ITGB8: variants seen among roughly 807,000 people sequenced by gnomAD.
ITGB8 encodes the protein integrin beta-8.
A neutral mutation model predicts 89.5 loss-of-function variants in ITGB8; 30 were observed. That is an observed-to-expected ratio of 0.34 (90% CI 0.25 to 0.45). The LOEUF (loss-of-function observed/expected upper bound fraction) is 0.45. ITGB8 is among the 20% of genes least tolerant of loss of function. The pLI is 1.00. For missense variants in ITGB8, 836 were observed against 933.3 expected (o/e 0.90, Z 1.36); for synonymous variants, 335 against 320.4 (o/e 1.05, Z -0.49).
At chr7:20,368,341 GAGAC>G (rs1785787813) in intron 3 of ITGB8, among the ~76,000 whole-genome samples, 1 of 152,170 alleles carries the variant, frequency 6.6e-6, no homozygotes, top group Non-Finnish European at 1.5e-5. Context: ...TAGAAAAAGA[GAGAC>G]AGGGTGAAAC....
intron 3 of ITGB8, among the ~76,000 whole-genome samples, chr7:20,376,543 C>T (rs2127956727): frequency 6.6e-6 from 1 of 152,230 alleles, no homozygotes; most frequent in South Asian, 2.1e-4. Context: ...GACACCTGCC[C>T]CCAAGAGTCT....
chr7:20,337,935 C>G (rs1199310482), intron 1 of ITGB8, among the ~76,000 whole-genome samples: 1 of 152,198 alleles, frequency 6.6e-6, no homozygotes, highest in Admixed American at 6.5e-5. Context: ...GTGCCAAATC[C>G]TAGGTGAAGA....
intron 3 of ITGB8, among the ~76,000 whole-genome samples, chr7:20,370,636 A>C (rs1277127694): frequency 6.7e-6 from 1 of 149,276 alleles, no homozygotes; most frequent in Admixed American, 6.7e-5. Flanking sequence ...TTTGAGACGG[A>C]GTCTCCCTCT....
intron 6 of ITGB8, among the ~76,000 whole-genome samples, chr7:20,382,498 T>G (rs901930160): frequency 3.3e-5 from 5 of 152,360 alleles, no homozygotes; most frequent in African/African-American, 1.2e-4. Context: ...TGGCATTATC[T>G]AATTCTAGTT....
At chr7:20,389,901 T>C (rs1474885841) in intron 6 of ITGB8, among the ~76,000 whole-genome samples, 1 of 152,032 alleles carries the variant, frequency 6.6e-6, no homozygotes, top group East Asian at 1.9e-4. Flanking sequence ...AAACTTTTCC[T>C]ATGCAGACCT....
At chr7:20,354,461 TATCTGCAAGTAAGAGGGTCTTTGAAAAC>T (rs1361458398) in intron 1 of ITGB8, among the ~76,000 whole-genome samples, 1 of 152,238 alleles carries the variant, frequency 6.6e-6, no homozygotes, top group Non-Finnish European at 1.5e-5. Flanking sequence ...GAATTGTGTT[TATCTGCAAGTAAGAGGGTCTTTGAAAAC>T]AGGACGAAGT....
chr7:20,343,078 A>C (rs1784815899), intron 1 of ITGB8, among the ~76,000 whole-genome samples: 1 of 152,222 alleles, frequency 6.6e-6, no homozygotes, highest in Non-Finnish European at 1.5e-5. Context: ...AAAGGGGTTA[A>C]ATGTTAGAAG....
intron 12 of ITGB8, 22 bp from the exon 13 acceptor site, chr7:20,409,593 T>G (rs778823263): frequency 8.4e-6 from 13 of 1,548,468 alleles, no homozygotes; most frequent in Non-Finnish European, 1.1e-5. Context: ...TTTAATCCAT[T>G]TATTTGTTTG....
chr7:20,374,809 T>C (rs1786070541), intron 3 of ITGB8, among the ~76,000 whole-genome samples: 1 of 152,184 alleles, frequency 6.6e-6, no homozygotes, highest in African/African-American at 2.4e-5. Flanking sequence ...GGAACTTCGA[T>C]CTGACATGTT....
At chr7:20,361,407 C>T (rs1785499454) in intron 1 of ITGB8, among the ~76,000 whole-genome samples, 2 of 152,198 alleles carry the variant, frequency 1.3e-5, no homozygotes, top group African/African-American at 4.8e-5. Flanking sequence ...TTCCTTCTTA[C>T]AGCTCTGGAG....
chr7:20,403,889 T>C (rs6954502), intron 10 of ITGB8, among the ~76,000 whole-genome samples: 4 of 152,030 alleles, frequency 2.6e-5, no homozygotes, highest in Non-Finnish European at 2.9e-5. Context: ...CTAGTGCACA[T>C]TGGCATATTA....
chr7:20,335,141 T>C (rs1403966163), intron 1 of ITGB8, among the ~76,000 whole-genome samples: 1 of 152,210 alleles, frequency 6.6e-6, no homozygotes, highest in Non-Finnish European at 1.5e-5. Context: ...CATTTTATTT[T>C]AAAATATTTC....
chr7:20,341,256 G>A (rs1784745420), intron 1 of ITGB8, among the ~76,000 whole-genome samples: 1 of 152,154 alleles, frequency 6.6e-6, no homozygotes, highest in Non-Finnish European at 1.5e-5. Context: ...AAAATAAAAT[G>A]CTCTAGAAAT....
In ITGB8 at chr7:20,401,813, C is replaced by G; in HGVS notation, c.1374C>G (p.Thr458=). 6.2e-7 allele frequency: 1 copy of G among 1,612,452 alleles called. No individual in the cohort carries two copies. The highest frequency in any genetic ancestry group is 8.5e-7 in the Non-Finnish European group (1 of 1,179,538). ...TCAAACCTATTGGTTTTAATGAAAC[C>G]GCTAAAATTCATATACACAGAAACT... ...AIIKPIGFNE[T]AKIHIHRNCS... The change falls in exon 10 of 14, where the codon ACC becomes ACG. Residue 458 remains threonine (T), a synonymous_variant. Coordinates refer to ENST00000222573, the MANE Select transcript of ITGB8 (RefSeq NM_002214.3).
chr7:20,397,779 C>T (rs118038783), intron 8 of ITGB8, among the ~76,000 whole-genome samples: 57 of 152,224 alleles, frequency 3.7e-4, no homozygotes, highest in South Asian at 1.0e-3. Context: ...TCTAAAGATA[C>T]GCTACCAGAA....
At chr7:20,378,252 C>T (rs201686379) in intron 3 of ITGB8, among the ~76,000 whole-genome samples, 1 of 152,262 alleles carries the variant, frequency 6.6e-6, no homozygotes, top group East Asian at 1.9e-4. Context: ...GACATTTGTC[C>T]TTGTGGCAGC....
chr7:20,399,586 G>T lies in ITGB8; in HGVS notation c.1281+592G>T, dbSNP rs1483110148. Reference sequence around the variant, plus strand: ...TTTACCAAAAAAAAAAAAATGGGATGTAAAGGAGAGAGATCCAGATTGTAA... The same window carrying T: ...TTTACCAAAAAAAAAAAAATGGGATTTAAAGGAGAGAGATCCAGATTGTAA... On this transcript the variant is annotated intron_variant, in intron 9 of 13. Coordinates refer to ENST00000222573, the MANE Select transcript of ITGB8 (RefSeq NM_002214.3). 4.0e-5 allele frequency among the ~76,000 whole-genome samples: 6 copies of T among 149,798 alleles called. No individual in the cohort carries two copies. The East Asian group carries it at 9.7e-4, about 24-fold the overall frequency.
At chr7:20,397,021 T>G (rs1326630286) in intron 8 of ITGB8, among the ~76,000 whole-genome samples, 2 of 152,188 alleles carry the variant, frequency 1.3e-5, no homozygotes, top group African/African-American at 4.8e-5. Context: ...TCATTTTGTC[T>G]TCACAGTCCA....
At chr7:20,381,019 G>C (rs1786357096) in intron 5 of ITGB8, 188 bp downstream of exon 5, 2 of 523,056 alleles carry the variant, frequency 3.8e-6, no homozygotes. Context: ...TAAATTCAGG[G>C]AGGGATTTAA....
Sources: gnomAD v4.1 joint callset for allele counts (sites outside exome capture counted in the v4.1 genomes callset) on GRCh38, gnomAD v4.1.1 for gene constraint, MANE v1.5 for transcripts, NCBI Gene and HGNC (gene_info 2026-07-23, HGNC 2026-07-21) for gene names.